Variants in CLDND1 observed in about 807,000 individuals in gnomAD.
The protein encoded by CLDND1 is claudin domain containing 1.
In CLDND1, 13 loss-of-function variants were observed where a neutral mutation model predicts 26.3. The ratio of observed to expected loss-of-function variants is 0.49; its 90% CI spans 0.32 to 0.78. CLDND1 has a LOEUF of 0.78. CLDND1 is among the 30% of genes least tolerant of loss of function. The pLI, the probability that CLDND1 is intolerant of heterozygous loss-of-function variation, is 0.03. For missense variants in CLDND1, 289 were observed against 312.8 expected (o/e 0.92, Z 0.57); for synonymous variants, 107 against 107.0 (o/e 1.00, Z 0.00).
chr3:98,521,870 AAAG>A (rs1408600790), intron 1 of CLDND1: 22 of 600,424 alleles, frequency 3.7e-5, no homozygotes, highest in Non-Finnish European at 5.9e-5. Context: ...GGCACAGGAA[AAAG>A]AAGCAGTGGA....
rs1223309482 is a variant in CLDND1, at chr3:98,517,206, GAGAAA to G, written c.404-22_404-18del. On this transcript the variant is annotated intron_variant, in intron 3 of 4. Coordinates refer to ENST00000341181, the MANE Select transcript of CLDND1 (RefSeq NM_001040181.2). The stretch of plus-strand genomic sequence containing the variant: ...GCCAAAGATCTGATTTTTAAAAAGA[GAGAAA>G]AGAAATGTTACCGTGATTTCAGACC... The G allele has an allele frequency of 2.5e-6, 4 of 1,607,058 alleles. No individual in the cohort carries two copies. In the African/African-American group the frequency reaches 5.4e-5, roughly 22 times the overall value.
chr3:98,517,648 A>T (rs1392216872), intron 3 of CLDND1, among the ~76,000 whole-genome samples: 2 of 152,242 alleles, frequency 1.3e-5, no homozygotes, highest in African/African-American at 4.8e-5. Context: ...AAGATGATTT[A>T]AAGTATACAG....
At chr3:98,519,675 C>T (rs1706317237) in intron 2 of CLDND1, among the ~76,000 whole-genome samples, 1 of 152,184 alleles carries the variant, frequency 6.6e-6, no homozygotes, top group Non-Finnish European at 1.5e-5. Context: ...AGGATTTGCC[C>T]CAGTCCCACT....
At chr3:98,519,483 A>G (rs1338032823) in intron 2 of CLDND1, among the ~76,000 whole-genome samples, 1 of 152,334 alleles carries the variant, frequency 6.6e-6, no homozygotes, top group South Asian at 2.1e-4. Context: ...CAGTGCTACC[A>G]TTCTGGTGTG....
chr3:98,522,361 T>C (rs1458013873), intron 1 of CLDND1: 1 of 214,894 alleles, frequency 4.7e-6, no homozygotes, highest in Non-Finnish European at 8.4e-6. Flanking sequence ...GTATACACCG[T>C]GACCGCACCA....
chr3:98,515,754 C>G lies in CLDND1; in HGVS notation c.*905G>C. 7.8e-7 allele frequency: 1 copy of G among 1,289,770 alleles called. No homozygotes were observed. Among genetic ancestry groups the G allele is most frequent in the Non-Finnish European group, 1.0e-6 (1 of 988,852 alleles). The allele number at this position is 1,289,770 out of a possible 1,614,324, so 79.9% of individuals were successfully genotyped here. ...AAGACCATAGTTGGAGGTTAATGGACAGCCAGAACTTTAGATCTTGTGGTA... is the reference window on the plus strand; with the variant it reads ...AAGACCATAGTTGGAGGTTAATGGAGAGCCAGAACTTTAGATCTTGTGGTA... On this transcript the variant is annotated 3_prime_UTR_variant, in exon 5 of 5. Coordinates refer to ENST00000341181, the MANE Select transcript of CLDND1 (RefSeq NM_001040181.2).
intron 3 of CLDND1, among the ~76,000 whole-genome samples, chr3:98,517,661 G>A (rs1344728538): frequency 1.3e-5 from 2 of 152,182 alleles, no homozygotes; most frequent in Non-Finnish European, 2.9e-5. Context: ...GTATACAGGA[G>A]GATTGTGTAG....
intron 1 of CLDND1, 30 bp downstream of exon 1, chr3:98,522,819 T>G (rs1008315565): frequency 6.2e-7 from 1 of 1,613,530 alleles, no homozygotes; most frequent in African/African-American, 1.3e-5. Context: ...ACGCGACCCC[T>G]GCCCGGCGAC....
At chr3:98,522,550 G>A (rs1706469727) in intron 1 of CLDND1, 2 of 1,352,924 alleles carry the variant, frequency 1.5e-6, no homozygotes, top group Non-Finnish European at 1.9e-6. Flanking sequence ...ACCTTAAAGG[G>A]TCCCAGCACT....
rs780366293 is a variant in CLDND1, at chr3:98,516,008, C to T, written c.*651G>A. ...AAAAATAATACTAATCCTCGCCCGG[C>T]TGAACTGGAATTCTTGCAGTTACAA... On this transcript the variant is annotated 3_prime_UTR_variant, in exon 5 of 5. Transcript: ENST00000341181. 8.6e-7 allele frequency: 1 copy of T among 1,162,884 alleles called. No individual in the cohort carries two copies. The highest frequency in any genetic ancestry group is 1.1e-6 in the Non-Finnish European group (1 of 929,100). 72.0% of individuals were successfully genotyped at this position (1,162,884 alleles called of 1,614,324 possible). A position where few individuals can be genotyped will look rare whatever the true frequency, so the allele number is the denominator to read the frequency against.
At chr3:98,517,406 G>T in intron 3 of CLDND1, 1 of 553,854 alleles carries the variant, frequency 1.8e-6, no homozygotes, top group Non-Finnish European at 3.2e-6. Context: ...AATTACTGAG[G>T]GTTCACTATG....
chr3:98,521,438 C>T lies in CLDND1; in HGVS notation c.-14G>A, dbSNP rs1487884873. Reference sequence around the variant, plus strand: ...ACGGTTATCCATTCTGGCATTCAGACTGCTCTGTTTAGAAGTTGAAGAAAG... The same window carrying T: ...ACGGTTATCCATTCTGGCATTCAGATTGCTCTGTTTAGAAGTTGAAGAAAG... On this transcript the variant is annotated 5_prime_UTR_variant, in exon 2 of 5. Transcript: ENST00000341181. The T allele has an allele frequency of 1.2e-6, 2 of 1,612,882 alleles. No individual in the cohort carries two copies. Among genetic ancestry groups the T allele is most frequent in the Non-Finnish European group, 8.5e-7 (1 of 1,179,210 alleles).
chr3:98,521,015 ATTTC>A lies in CLDND1; in HGVS notation c.292+114_292+117del, dbSNP rs1293414383. On this transcript the variant is annotated intron_variant, in intron 2 of 4. Transcript: ENST00000341181. Reference sequence around the variant, plus strand: ...AGTAGAAAGAGAAGATACACGATTTATTTCTTTAAGGAGAGAGAGAACCAACAAA... The same window carrying A: ...AGTAGAAAGAGAAGATACACGATTTATTTAAGGAGAGAGAGAACCAACAAA... 14 of 837,350 alleles carry A rather than the reference ATTTC, an allele frequency of 1.7e-5. No individual in the cohort carries two copies. In the East Asian group the frequency reaches 3.4e-4, roughly 21 times the overall value. 51.9% of individuals were successfully genotyped at this position (837,350 alleles called of 1,614,324 possible). A position where few individuals can be genotyped will look rare whatever the true frequency, so the allele number is the denominator to read the frequency against.
intron 1 of CLDND1, chr3:98,522,045 C>T: frequency 4.2e-6 from 1 of 238,726 alleles, no homozygotes; most frequent in South Asian, 8.0e-5. Flanking sequence ...TGTAATAATG[C>T]TAGATAGCAA....
In CLDND1 at chr3:98,516,727, G is replaced by C. The variant is rs1706155887; in HGVS notation, c.694C>G (p.Leu232Val). 3 of 1,614,106 alleles carry C rather than the reference G, an allele frequency of 1.9e-6. No homozygotes were observed. The highest frequency in any genetic ancestry group is 2.2e-5 in the South Asian group (2 of 91,078). The change falls in exon 5 of 5, where the codon CTC becomes GTC. Residue 232 changes from leucine (L) to valine (V), a missense_variant. Transcript: ENST00000341181. ...TTGGTGTGAGCAGCCCAGATGAAGA[G>C]AGCAGAAGCCATGAACTGTAAGGGA... ...SAPLQFMASALFIWAAHTNRK... is the reference protein window; with the variant it reads ...SAPLQFMASAVFIWAAHTNRK...
In CLDND1 at chr3:98,521,121, T is replaced by C; in HGVS notation, c.292+12A>G. The C allele has an allele frequency of 6.3e-7, 1 of 1,597,506 alleles. No homozygotes were observed. On this transcript the variant is annotated intron_variant, in intron 2 of 4. Transcript: ENST00000341181. ...CAGGTGAAGAAGACAGAAGTTAAAA[T>C]AAGAGAAATACCTGTCCTTTCTGGT...
At position 98,521,311 on chromosome 3, in the gene CLDND1, T is replaced by C. The variant is rs1447646969; in HGVS notation, c.114A>G (p.Pro38=). 3 of 1,614,236 alleles carry C rather than the reference T, an allele frequency of 1.9e-6. No homozygotes were observed. Among genetic ancestry groups the C allele is most frequent in the South Asian group, 1.1e-5 (1 of 91,082 alleles). Residue 38 remains proline (P), a synonymous_variant, in exon 2 of 5, where the codon CCA becomes CCG. Coordinates refer to ENST00000341181, the MANE Select transcript of CLDND1 (RefSeq NM_001040181.2). The stretch of plus-strand genomic sequence containing the variant: ...TCAAATCACTGGAATTTTCTTGAAC[T>C]GGACTTCGATATTCATACCAGAAGT... ...GTDFWYEYRS[P]VQENSSDLNK...
intron 2 of CLDND1, 39 bp from the exon 3 acceptor site, chr3:98,519,034 C>T (rs761388998): frequency 3.4e-6 from 4 of 1,184,836 alleles, no homozygotes; most frequent in Non-Finnish European, 5.0e-6. Flanking sequence ...TAATTATAAA[C>T]ATTTAACAAA....
In CLDND1 at chr3:98,516,574, A is replaced by C; in HGVS notation, c.*85T>G. 6.8e-7 allele frequency: 1 copy of C among 1,469,640 alleles called. No homozygotes were observed. The highest frequency in any genetic ancestry group is 9.0e-7 in the Non-Finnish European group (1 of 1,107,976). The allele number at this position is 1,469,640 out of a possible 1,614,324, so 91.0% of individuals were successfully genotyped here. A position where few individuals can be genotyped will look rare whatever the true frequency, so the allele number is the denominator to read the frequency against. ...TAAAATGGTATATCCACAAATAAAA[A>C]TTAAAAACAATTGAGAGGTGGGGAA... On this transcript the variant is annotated 3_prime_UTR_variant, in exon 5 of 5. Coordinates refer to ENST00000341181, the MANE Select transcript of CLDND1 (RefSeq NM_001040181.2).
Sources: gnomAD v4.1 joint callset for allele counts (sites outside exome capture counted in the v4.1 genomes callset) on GRCh38, gnomAD v4.1.1 for gene constraint, MANE v1.5 for transcripts, NCBI Gene and HGNC (gene_info 2026-07-23, HGNC 2026-07-21) for gene names.